The following ZNF385D variants were observed in gnomAD, a reference collection of about 807,000 sequenced individuals.
The protein encoded by ZNF385D is zinc finger protein 659.
In ZNF385D, 15 loss-of-function variants were observed where a neutral mutation model predicts 35.8. The ratio of observed to expected loss-of-function variants is 0.42; its 90% CI spans 0.28 to 0.64. The LOEUF is 0.64. Ranked by LOEUF, ZNF385D falls within the 30% of genes least tolerant of loss-of-function variation. The probability of loss-of-function intolerance (pLI) is 0.23; values close to 1 mark genes in which losing one functional copy is unlikely to be tolerated. For synonymous variants in ZNF385D, 212 were observed against 186.8 expected (o/e 1.13, Z -1.10); for missense variants, 474 against 494.6 (o/e 0.96, Z 0.39).
intron 1 of ZNF385D, among the ~76,000 whole-genome samples, chr3:21,719,893 T>C (rs906309525): frequency 1.3e-4 from 20 of 152,216 alleles, no homozygotes; most frequent in Admixed American, 1.2e-3. Flanking sequence ...ACATCAGCCA[T>C]CAACACAATC....
At chr3:22,125,375 A>G (rs1703366013) in intron 3 of ZNF385D, among the ~76,000 whole-genome samples, 1 of 151,992 alleles carries the variant, frequency 6.6e-6, no homozygotes, top group African/African-American at 2.4e-5. Flanking sequence ...TCTTTTTGCT[A>G]AGAATAACTT....
intron 3 of ZNF385D, among the ~76,000 whole-genome samples, chr3:21,952,251 C>A (rs571631714): frequency 6.6e-6 from 1 of 151,966 alleles, no homozygotes; most frequent in South Asian, 2.1e-4. Flanking sequence ...TATTTCCTTG[C>A]CTGGCATCTC....
At chr3:22,047,745 C>G (rs974719712) in intron 3 of ZNF385D, among the ~76,000 whole-genome samples, 1 of 152,164 alleles carries the variant, frequency 6.6e-6, no homozygotes, top group Non-Finnish European at 1.5e-5. Flanking sequence ...TGATTTTATA[C>G]TCTTTAGATG....
chr3:22,183,104 G>C (rs1421285901), intron 2 of ZNF385D, among the ~76,000 whole-genome samples: 1 of 152,062 alleles, frequency 6.6e-6, no homozygotes, highest in Non-Finnish European at 1.5e-5. Flanking sequence ...ATTGAAGGTG[G>C]TTTTTAGCTT....
At chr3:21,800,900 TAGC>T (rs1229890397) in intron 3 of ZNF385D, among the ~76,000 whole-genome samples, 1 of 152,168 alleles carries the variant, frequency 6.6e-6, no homozygotes, top group Non-Finnish European at 1.5e-5. Context: ...GAACTTCCAG[TAGC>T]AGCAACCTTT....
chr3:21,676,972 G>C (rs1575443303), intron 1 of ZNF385D, among the ~76,000 whole-genome samples: 2 of 152,012 alleles, frequency 1.3e-5, no homozygotes, highest in East Asian at 1.9e-4. Context: ...CAGAAAAAAA[G>C]AGAAACTGCT....
chr3:22,062,625 C>T (rs1376744207), intron 3 of ZNF385D, among the ~76,000 whole-genome samples: 1 of 152,158 alleles, frequency 6.6e-6, no homozygotes, highest in Non-Finnish European at 1.5e-5. Flanking sequence ...GACCCCCTCG[C>T]CCCCAAAGAT....
chr3:22,359,037 C>T (rs1310184733), intron 2 of ZNF385D, among the ~76,000 whole-genome samples: 1 of 145,010 alleles, frequency 6.9e-6, no homozygotes, highest in African/African-American at 2.5e-5. Flanking sequence ...GCCTTGACTA[C>T]CCGTATTAAA....
chr3:22,215,442 G>A (rs773856339), intron 2 of ZNF385D, among the ~76,000 whole-genome samples: 1 of 151,896 alleles, frequency 6.6e-6, no homozygotes, highest in Admixed American at 6.6e-5. Context: ...CTCTAAAATG[G>A]CTGCTTCAGG....
intron 2 of ZNF385D, among the ~76,000 whole-genome samples, chr3:22,369,737 A>C (rs1223363218): frequency 6.6e-6 from 1 of 152,186 alleles, no homozygotes; most frequent in Admixed American, 6.5e-5. Context: ...TCTCAAAATA[A>C]AGTATAATTA....
chr3:21,625,004 A>G (rs1488349374), intron 2 of ZNF385D, among the ~76,000 whole-genome samples: 1 of 152,070 alleles, frequency 6.6e-6, no homozygotes, highest in Non-Finnish European at 1.5e-5. Context: ...ATGTATAAAT[A>G]TTCTCATAAT....
chr3:21,596,423 T>C (rs2064129293), intron 2 of ZNF385D, among the ~76,000 whole-genome samples: 1 of 152,182 alleles, frequency 6.6e-6, no homozygotes, highest in Admixed American at 6.5e-5. Context: ...AGCTGAATGA[T>C]ACAGGCAAGA....
In ZNF385D at chr3:22,296,350, C is replaced by T. The variant is rs116999803; in HGVS notation, c.106+76100G>A. Among the ~76,000 whole-genome samples, 146 of 152,218 alleles carry T rather than the reference C, an allele frequency of 9.6e-4. 3 individuals carry two copies. The East Asian group carries it at 0.025, about 26-fold the overall frequency. On this transcript the variant is annotated intron_variant, in intron 2 of 5. Transcript: ENST00000494108. ...GGCTGGCATAAATGAACTAGTGTCA[C>T]TTGTTTGAATCATAGGTTCTTGTTG...
intron 2 of ZNF385D, among the ~76,000 whole-genome samples, chr3:22,262,515 C>T (rs1700685839): frequency 6.6e-6 from 1 of 151,842 alleles, no homozygotes; most frequent in Non-Finnish European, 1.5e-5. Context: ...CATGTATTTT[C>T]AATTTCTATA....
intron 3 of ZNF385D, among the ~76,000 whole-genome samples, chr3:22,025,687 T>G (rs1166480028): frequency 6.6e-6 from 1 of 152,122 alleles, no homozygotes; most frequent in Non-Finnish European, 1.5e-5. Context: ...ATGCCTGATC[T>G]CCCTTGGTTT....
chr3:21,440,010 T>A (rs374901766), intron 4 of ZNF385D, among the ~76,000 whole-genome samples: 3 of 152,206 alleles, frequency 2.0e-5, no homozygotes, highest in East Asian at 1.9e-4. Context: ...TATGTAGAAC[T>A]TGACTCCATA....
intron 2 of ZNF385D, among the ~76,000 whole-genome samples, chr3:22,217,061 C>A (rs1697933549): frequency 6.6e-6 from 1 of 152,088 alleles, no homozygotes; most frequent in African/African-American, 2.4e-5. Flanking sequence ...GCTAGCATTA[C>A]CTTAACATTT....
chr3:22,344,442 T>C (rs916778789), intron 2 of ZNF385D, among the ~76,000 whole-genome samples: 1 of 152,134 alleles, frequency 6.6e-6, no homozygotes, highest in Non-Finnish European at 1.5e-5. Flanking sequence ...CAAGCTAGAG[T>C]GCAGTGATGT....
intron 2 of ZNF385D, among the ~76,000 whole-genome samples, chr3:22,256,540 A>T (rs1184846772): frequency 6.6e-6 from 1 of 151,834 alleles, no homozygotes; most frequent in East Asian, 1.9e-4. Context: ...TTTGGAATCT[A>T]TGTGGGTATA....
Sources: gnomAD v4.1 joint callset for allele counts (sites outside exome capture counted in the v4.1 genomes callset) on GRCh38, gnomAD v4.1.1 for gene constraint, MANE v1.5 for transcripts, NCBI Gene and HGNC (gene_info 2026-07-23, HGNC 2026-07-21) for gene names.